CSRNP2: variants seen among roughly 807,000 people sequenced by gnomAD.
CSRNP2 encodes the protein cysteine/serine-rich nuclear protein 2.
A neutral mutation model predicts 36.6 loss-of-function variants in CSRNP2; 11 were observed. That is an observed-to-expected ratio of 0.30 (90% CI 0.19 to 0.50). CSRNP2 has a LOEUF of 0.50. CSRNP2 is among the 20% of genes least tolerant of loss of function. The probability of loss-of-function intolerance (pLI) is 0.98; values close to 1 mark genes in which losing one functional copy is unlikely to be tolerated. For synonymous variants in CSRNP2, 248 were observed against 275.3 expected (o/e 0.90, Z 0.98); for missense variants, 483 against 691.4 (o/e 0.70, Z 3.38).
chr12:51,063,724 G>C lies in CSRNP2; in HGVS notation c.*22C>G, dbSNP rs1937802726. 39 of 1,497,472 alleles carry C rather than the reference G, an allele frequency of 2.6e-5. No individual in the cohort carries two copies. The East Asian group carries it at 8.9e-4, about 34-fold the overall frequency. The allele number at this position is 1,497,472 out of a possible 1,614,324, so 92.8% of individuals were successfully genotyped here. A position where few individuals can be genotyped will look rare whatever the true frequency, so the allele number is the denominator to read the frequency against. On this transcript the variant is annotated 3_prime_UTR_variant, in exon 5 of 5. Coordinates refer to ENST00000228515, the MANE Select transcript of CSRNP2 (RefSeq NM_030809.3). ...AAGGGAATAAATAGAGAATGGGTAA[G>C]AGGCAGGACCTCTAGCGCCTGTCAC...
chr12:51,074,015 T>C lies in CSRNP2; in HGVS notation c.219A>G (p.Val73=), dbSNP rs745336139. 6.8e-6 allele frequency: 11 copies of C among 1,614,118 alleles called. No homozygotes were observed. The highest frequency in any genetic ancestry group is 5.0e-5 in the Admixed American group (3 of 60,004). Residue 73 remains valine, a synonymous_variant, in exon 3 of 5, where the codon GTA becomes GTG. Transcript: ENST00000228515. ...RKNVRFDQVT[V]YYFARRQGFT... Reference sequence around the variant, plus strand: ...AACCTTGGCGCCGGGCAAAGTAGTATACAGTCACCTGGTCAAAGCGTACAT... The same window carrying C: ...AACCTTGGCGCCGGGCAAAGTAGTACACAGTCACCTGGTCAAAGCGTACAT...
At position 51,064,694 on chromosome 12, in the gene CSRNP2, G is replaced by A. The variant is rs1039826502; in HGVS notation, c.709-25C>T. On this transcript the variant is annotated intron_variant, in intron 4 of 4. Transcript: ENST00000228515. ...CCTGAGCGGGGACAAGAAGGTTGGG[G>A]CAAGATGAGACCTACAATCCTAACA... 1.3e-5 allele frequency: 19 copies of A among 1,496,516 alleles called. No individual in the cohort carries two copies. The South Asian group carries it at 2.4e-4, about 19-fold the overall frequency. The allele number at this position is 1,496,516 out of a possible 1,614,324, so 92.7% of individuals were successfully genotyped here. A position where few individuals can be genotyped will look rare whatever the true frequency, so the allele number is the denominator to read the frequency against.
At position 51,063,646 on chromosome 12, in the gene CSRNP2, T is replaced by A; in HGVS notation, c.*100A>T. On this transcript the variant is annotated 3_prime_UTR_variant, in exon 5 of 5. Coordinates refer to ENST00000228515, the MANE Select transcript of CSRNP2 (RefSeq NM_030809.3). The stretch of plus-strand genomic sequence containing the variant: ...CCCCAAAGACCCCAATAAAATAACA[T>A]GGGAGCAGCAGCTGCTTCTACAGTT... The A allele has an allele frequency of 1.1e-6, 1 of 933,084 alleles. No individual in the cohort carries two copies. 57.8% of individuals were successfully genotyped at this position (933,084 alleles called of 1,614,324 possible).
intron 1 of CSRNP2, among the ~76,000 whole-genome samples, chr12:51,078,880 C>T (rs1195942374): frequency 2.4e-4 from 36 of 149,192 alleles, no homozygotes; most frequent in South Asian, 6.5e-4. Context: ...GGGTATATAC[C>T]CAAAGGATTA....
In CSRNP2 at chr12:51,063,796, C is replaced by T; in HGVS notation, c.1582G>A (p.Glu528Lys). ...CGMVKTSQQN[E>K]DRPPEDSSLE... ...GAAGAATCTTCAGGGGGCCGATCCT[C>T]ATTCTGCTGGGAGGTCTTCACCATC... The change falls in exon 5 of 5, where the codon GAG (glutamate) becomes AAG (lysine). Residue 528 changes from glutamate (E) to lysine (K), a missense_variant. Coordinates refer to ENST00000228515, the MANE Select transcript of CSRNP2 (RefSeq NM_030809.3). 6.2e-7 allele frequency: 1 copy of T among 1,600,120 alleles called. No homozygotes were observed.
At chr12:51,066,597 CGCCACTGCACTCCA>C (rs1938361886) in intron 4 of CSRNP2, among the ~76,000 whole-genome samples, 1 of 151,076 alleles carries the variant, frequency 6.6e-6, no homozygotes, top group Non-Finnish European at 1.5e-5. Flanking sequence ...GCCAAGATCG[CGCCACTGCACTCCA>C]GCCTGGGCGA....
chr12:51,062,477 G>A lies in CSRNP2; in HGVS notation c.*1269C>T, dbSNP rs1592733264. The A allele has an allele frequency of 6.6e-6, 1 of 152,224 alleles. No homozygotes were observed. The highest frequency in any genetic ancestry group is 2.4e-5 in the African/African-American group (1 of 41,456). 9.4% of individuals were successfully genotyped at this position (152,224 alleles called of 1,614,324 possible). Reference sequence around the variant, plus strand: ...AACAGGAACTGTATTCCTCCTGACAGAGGTAAGAACTGAATCAAACTGAAT... The same window carrying A: ...AACAGGAACTGTATTCCTCCTGACAAAGGTAAGAACTGAATCAAACTGAAT... On this transcript the variant is annotated 3_prime_UTR_variant, in exon 5 of 5. Transcript: ENST00000228515.
intron 4 of CSRNP2, among the ~76,000 whole-genome samples, chr12:51,064,891 G>A (rs1218562914): frequency 6.6e-6 from 1 of 152,208 alleles, no homozygotes; most frequent in Non-Finnish European, 1.5e-5. Flanking sequence ...AATTAGTGGT[G>A]TGACCTCAAG....
intron 1 of CSRNP2, among the ~76,000 whole-genome samples, chr12:51,077,475 C>G (rs934679028): frequency 1.1e-4 from 17 of 152,070 alleles, no homozygotes; most frequent in African/African-American, 3.6e-4. Flanking sequence ...CCCACTGTTT[C>G]CAAGGTATTT....
rs763473963 is a variant in CSRNP2, at chr12:51,076,475, G to A, written c.87C>T (p.Ile29=). The A allele has an allele frequency of 7.4e-6, 12 of 1,613,926 alleles. No individual in the cohort carries two copies. The highest frequency in any genetic ancestry group is 1.0e-5 in the Non-Finnish European group (12 of 1,180,012). Residue 29 remains isoleucine (I), a synonymous_variant, in exon 2 of 5, where the codon ATC becomes ATT. Transcript: ENST00000228515. ...GSSVSNSDDE[I]SSSDSADSCD... Reference sequence around the variant, plus strand: ...AGCTGTCAGCACTATCACTGCTGGAGATCTCATCATCTGAGTTGGAAACTG... The same window carrying A: ...AGCTGTCAGCACTATCACTGCTGGAAATCTCATCATCTGAGTTGGAAACTG...
intron 1 of CSRNP2, among the ~76,000 whole-genome samples, chr12:51,082,333 G>T (rs1939674592): frequency 6.6e-6 from 1 of 152,092 alleles, no homozygotes; most frequent in African/African-American, 2.4e-5. Flanking sequence ...ACTAACACAA[G>T]GTTAGAATTT....
At chr12:51,065,128 G>A (rs1938019549) in intron 4 of CSRNP2, among the ~76,000 whole-genome samples, 1 of 152,206 alleles carries the variant, frequency 6.6e-6, no homozygotes. Flanking sequence ...AGGCATGGGA[G>A]AGTGAGTGGA....
intron 1 of CSRNP2, among the ~76,000 whole-genome samples, chr12:51,078,970 A>C (rs1461599820): frequency 2.0e-5 from 3 of 152,210 alleles, no homozygotes; most frequent in Non-Finnish European, 4.4e-5. Flanking sequence ...CTTGGAACCA[A>C]CCCAAATGTC....
At chr12:51,069,900 C>CT (rs1938931475) in intron 3 of CSRNP2, among the ~76,000 whole-genome samples, 2 of 151,794 alleles carry the variant, frequency 1.3e-5, no homozygotes, top group African/African-American at 4.8e-5. Flanking sequence ...CGGGGTTTCA[C>CT]TGTGTTAGCC....
At position 51,063,733 on chromosome 12, in the gene CSRNP2, C is replaced by T; in HGVS notation, c.*13G>A. The stretch of plus-strand genomic sequence containing the variant: ...AATAGAGAATGGGTAAGAGGCAGGA[C>T]CTCTAGCGCCTGTCACACTGCCAGA... On this transcript the variant is annotated 3_prime_UTR_variant, in exon 5 of 5. Transcript: ENST00000228515. 1 of 1,523,320 alleles carries T rather than the reference C, an allele frequency of 6.6e-7. No individual in the cohort carries two copies. Among genetic ancestry groups the T allele is most frequent in the East Asian group, 2.3e-5 (1 of 44,052 alleles). The allele number at this position is 1,523,320 out of a possible 1,614,324, so 94.4% of individuals were successfully genotyped here.
At chr12:51,073,291 A>T (rs1032300034) in intron 3 of CSRNP2, among the ~76,000 whole-genome samples, 1 of 152,014 alleles carries the variant, frequency 6.6e-6, no homozygotes, top group Non-Finnish European at 1.5e-5. Flanking sequence ...GGGAGGGGGA[A>T]ATTCTAGGGA....
chr12:51,074,862 CAA>C (rs1165420241), intron 2 of CSRNP2, among the ~76,000 whole-genome samples: 1 of 151,904 alleles, frequency 6.6e-6, no homozygotes, highest in Non-Finnish European at 1.5e-5. Context: ...GTCAAGAGAT[CAA>C]GACCATCCTG....
rs146301895 is a variant in CSRNP2 at position 51,076,419 on chromosome 12, C to T, written c.143G>A (p.Ser48Asn). The change falls in exon 2 of 5, where the codon AGC (serine) becomes AAC (asparagine). Residue 48 changes from serine (S) to asparagine (N), a missense_variant. Physicochemically the swap from Ser to Asn is conservative, Grantham distance 46. Around this residue, in one of 2 missense-constraint regions of CSRNP2, gnomAD observed 206 missense variants for 367.8 expected, o/e 0.56. Transcript: ENST00000228515. The stretch of plus-strand genomic sequence containing the variant: ...CGGAGCAGCTTACTCACGTGTGAAG[C>T]TGGCAGTGGTAGGAGGATTGAGGCT... ...CDSLNPPTTA[S>N]FTPTSILKRQ... 1 of 1,614,026 alleles carries T rather than the reference C, an allele frequency of 6.2e-7. No individual in the cohort carries two copies. Among genetic ancestry groups the T allele is most frequent in the South Asian group, 1.1e-5 (1 of 91,066 alleles).
chr12:51,064,165 T>C lies in CSRNP2; in HGVS notation c.1213A>G (p.Thr405Ala), dbSNP rs769580247. ...TENSDHPTAS[T>A]VNSPSYLNSG... ...TTCAAGTAGGATGGGCTGTTCACCG[T>C]TGAGGCAGTTGGGTGGTCTGAGTTC... Residue 405 changes from threonine (T) to alanine (A), a missense_variant, in exon 5 of 5, where the codon ACG becomes GCG. This residue lies in a region of CSRNP2 where 277 missense variants were observed against 323.6 expected (regional missense o/e 0.86). Coordinates refer to ENST00000228515, the MANE Select transcript of CSRNP2 (RefSeq NM_030809.3). 6.2e-7 allele frequency: 1 copy of C among 1,614,008 alleles called. No individual in the cohort carries two copies. The highest frequency in any genetic ancestry group is 1.3e-5 in the African/African-American group (1 of 74,904).
Sources: gnomAD v4.1 joint callset for allele counts (sites outside exome capture counted in the v4.1 genomes callset) on GRCh38, gnomAD v4.1.1 for gene constraint, gnomAD v4.1.1 regional missense constraint, MANE v1.5 for transcripts, NCBI Gene and HGNC (gene_info 2026-07-23, HGNC 2026-07-21) for gene names.